The following C19orf38 variants were observed in gnomAD, a reference collection of about 807,000 sequenced individuals.
The protein encoded by C19orf38 is protein HIDE1.
Under a neutral mutation model 26.6 loss-of-function variants are expected in C19orf38, and 14 were observed. That is an observed-to-expected ratio of 0.53 (90% CI 0.35 to 0.82). The LOEUF is 0.82. C19orf38 is among the 40% of genes least tolerant of loss of function. The probability of loss-of-function intolerance (pLI) is 0.01; values close to 1 mark genes in which losing one functional copy is unlikely to be tolerated. For missense variants in C19orf38, 261 were observed against 299.5 expected, an observed-to-expected ratio of 0.87 and a Z score of 0.95; for synonymous variants, 132 against 128.5, an observed-to-expected ratio of 1.03 and a Z score of -0.18.
chr19:10,865,291 C>T (rs1450551530), intron 6 of C19orf38, among the ~76,000 whole-genome samples: 4 of 152,054 alleles, frequency 2.6e-5, no homozygotes, highest in Non-Finnish European at 5.9e-5. Context: ...GGATTACAGG[C>T]GCCTGCCATC....
At chr19:10,851,214 C>G (rs569234301) in intron 2 of C19orf38, among the ~76,000 whole-genome samples, 7 of 152,026 alleles carry the variant, frequency 4.6e-5, no homozygotes, top group Non-Finnish European at 8.8e-5. Context: ...CCACCATGCC[C>G]GGCTAATTTT....
intron 4 of C19orf38, among the ~76,000 whole-genome samples, chr19:10,859,375 TATATA>T (rs1568337649): frequency 2.3e-5 from 1 of 42,802 alleles, no homozygotes; most frequent in African/African-American, 1.1e-4. Flanking sequence ...TATATATATA[TATATA>T]TATATTTTTT....
At chr19:10,856,199 G>T in intron 2 of C19orf38, 66 bp from the exon 3 acceptor site, 2 of 1,281,726 alleles carry the variant, frequency 1.6e-6, no homozygotes, top group African/African-American at 3.0e-5. Context: ...GTAAGGGCTG[G>T]CTACTCAAAG....
chr19:10,856,301 C>T lies in C19orf38; in HGVS notation c.377C>T (p.Ala126Val), dbSNP rs956857613. 8 of 1,551,236 alleles carry T rather than the reference C, an allele frequency of 5.2e-6. No homozygotes were observed. In the African/African-American group the frequency reaches 8.2e-5, roughly 16 times the overall value. ...ATCTTGGTGCTCTCCCTGAGCCTGGCTGGTGCCCTCTTCCTCCTTGCTGGG... is the reference window on the plus strand; with the variant it reads ...ATCTTGGTGCTCTCCCTGAGCCTGGTTGGTGCCCTCTTCCTCCTTGCTGGG... Reference protein sequence around the residue: ...TWILVLSLSLAGALFLLAGLV... With the variant: ...TWILVLSLSLVGALFLLAGLV... The change falls in exon 3 of 7, where the codon GCT (alanine) becomes GTT (valine). Residue 126 changes from alanine to valine, a missense_variant. Physicochemically the swap from Ala to Val is moderately conservative, Grantham distance 64. Transcript: ENST00000397820.
chr19:10,868,910 A>G (rs749803065), intron 6 of C19orf38, among the ~76,000 whole-genome samples: 1 of 152,202 alleles, frequency 6.6e-6, no homozygotes, highest in Non-Finnish European at 1.5e-5. Flanking sequence ...AGCCCTAGGA[A>G]GTGGTGGGTA....
chr19:10,856,999 G>A (rs1265276164), intron 3 of C19orf38, among the ~76,000 whole-genome samples: 1 of 151,126 alleles, frequency 6.6e-6, no homozygotes, highest in East Asian at 1.9e-4. Context: ...GGGTCTTGCT[G>A]TGTTGCCCAG....
intron 4 of C19orf38, 90 bp downstream of exon 4, chr19:10,858,433 C>A: frequency 2.4e-6 from 3 of 1,265,504 alleles, no homozygotes; most frequent in Non-Finnish European, 2.2e-6. Context: ...CCCCCACAAA[C>A]AGCGCCTCCT....
chr19:10,836,990 A>G (rs2073437041), intron 1 of C19orf38, among the ~76,000 whole-genome samples: 1 of 152,186 alleles, frequency 6.6e-6, no homozygotes, highest in Admixed American at 6.5e-5. Flanking sequence ...AGGAAGAGAT[A>G]AGGACAGTGT....
At chr19:10,859,314 G>GTA (rs1329068899) in intron 4 of C19orf38, among the ~76,000 whole-genome samples, 1 of 137,708 alleles carries the variant, frequency 7.3e-6, no homozygotes, top group African/African-American at 2.7e-5. Context: ...GTGTATGTAT[G>GTA]TGTGTGTGTG....
intron 1 of C19orf38, chr19:10,842,090 G>C (rs767561186): frequency 8.2e-6 from 13 of 1,589,600 alleles, no homozygotes; most frequent in Non-Finnish European, 1.0e-5. Flanking sequence ...TGGCTCAGCA[G>C]ACTCCCGTAG....
At chr19:10,859,715 G>A (rs569558139) in intron 4 of C19orf38, among the ~76,000 whole-genome samples, 200 bp from the exon 5 acceptor site, 4 of 151,884 alleles carry the variant, frequency 2.6e-5, no homozygotes, top group South Asian at 2.1e-4. Flanking sequence ...TTCTTCCCCC[G>A]GCCAAGGGGC....
At chr19:10,859,379 TATA>T (rs2073672208) in intron 4 of C19orf38, among the ~76,000 whole-genome samples, 3 of 39,524 alleles carry the variant, frequency 7.6e-5, no homozygotes, top group Non-Finnish European at 1.3e-4. Flanking sequence ...TATATATATA[TATA>T]TATTTTTTTT....
chr19:10,854,950 G>A (rs2073608377), intron 2 of C19orf38, among the ~76,000 whole-genome samples: 2 of 151,540 alleles, frequency 1.3e-5, no homozygotes, highest in African/African-American at 4.9e-5. Flanking sequence ...TGCCTTCTCA[G>A]CTCCTCTTCT....
chr19:10,864,875 C>T (rs760685267), intron 6 of C19orf38, among the ~76,000 whole-genome samples: 7 of 152,112 alleles, frequency 4.6e-5, no homozygotes, highest in South Asian at 2.1e-4. Flanking sequence ...CAACCCATGG[C>T]GCCTGGGAGC....
intron 2 of C19orf38, among the ~76,000 whole-genome samples, 174 bp downstream of exon 2, chr19:10,850,741 G>C (rs1203781607): frequency 6.6e-6 from 1 of 152,086 alleles, no homozygotes; most frequent in Non-Finnish European, 1.5e-5. Flanking sequence ...GGATTTGTTG[G>C]TTCACTGAGC....
At chr19:10,868,038 G>C (rs2073769634) in intron 6 of C19orf38, among the ~76,000 whole-genome samples, 1 of 152,128 alleles carries the variant, frequency 6.6e-6, no homozygotes, top group Non-Finnish European at 1.5e-5. Flanking sequence ...ATGGACACTT[G>C]GGTTGTTTCC....
intron 6 of C19orf38, among the ~76,000 whole-genome samples, chr19:10,864,343 C>T (rs925291780): frequency 1.3e-5 from 2 of 151,968 alleles, no homozygotes; most frequent in East Asian, 1.9e-4. Context: ...TGGCTGGCTG[C>T]GGAAGCTGCT....
chr19:10,850,596 C>A (rs563540551), intron 2 of C19orf38, 29 bp downstream of exon 2: 1 of 1,548,850 alleles, frequency 6.5e-7, no homozygotes, highest in Non-Finnish European at 8.7e-7. Flanking sequence ...ATCTCACTGC[C>A]GGGGGCTTAA....
At chr19:10,847,763 A>T (rs1278385314), upstream of C19orf38, among the ~76,000 whole-genome samples, 3 of 152,168 alleles carry the variant, frequency 2.0e-5, no homozygotes, top group African/African-American at 7.2e-5. Flanking sequence ...CCAAGCCCTA[A>T]CCACCATGTC....
Sources: allele counts gnomAD v4.1 joint callset (sites outside exome capture counted in the v4.1 genomes callset), GRCh38; gene constraint gnomAD v4.1.1; transcripts MANE v1.5; gene names NCBI Gene and HGNC (gene_info 2026-07-23, HGNC 2026-07-21).